Variants in SORL1-AS1 observed in about 807,000 individuals in gnomAD.
SORL1-AS1 encodes lncRNA 51 A.
At chr11:121,438,474 A>T in the SORL1-AS1 span, among the ~76,000 whole-genome samples, 1 of 152,080 alleles carries the variant, frequency 6.6e-6, no homozygotes, top group Admixed American at 6.6e-5. Context: ...ACAGGCAATG[A>T]CTATTCTGAT....
chr11:121,438,354 A>T, the SORL1-AS1 span, among the ~76,000 whole-genome samples: 2 of 152,282 alleles, frequency 1.3e-5, no homozygotes, highest in Admixed American at 1.3e-4. Context: ...ACAGACCTTA[A>T]GTGTATAATT....
chr11:121,448,002 A>G (rs1454250532), exon 2 of SORL1-AS1: 2 of 152,230 alleles, frequency 1.3e-5, no homozygotes, highest in South Asian at 2.1e-4. Context: ...GTTCAAATTT[A>G]TCCCTTACTA....
rs921785310 is a variant in SORL1-AS1 at position 121,452,785 on chromosome 11, A to T, written n.229T>A. ...GTACAACCGTCAGCACTTGAATCGC[A>T]TTGATCTTTCCTTCTTCCTGTCGAT... is the stretch of plus-strand genomic sequence containing the variant. On this transcript the variant is annotated non_coding_transcript_exon_variant, in exon 1 of 2. Transcript: ENST00000501964. This position sits in a 1 kb window ranked among gnomAD's most constrained non-coding sequence, Gnocchi z 5.3. 10 of 544,900 alleles carry T rather than the reference A, an allele frequency of 1.8e-5. No homozygotes were observed. The highest frequency in any genetic ancestry group is 6.0e-6 in the Non-Finnish European group (2 of 331,572). 33.8% of individuals were successfully genotyped at this position (544,900 alleles called of 1,614,324 possible). A position where few individuals can be genotyped will look rare whatever the true frequency, so the allele number is the denominator to read the frequency against.
the SORL1-AS1 span, among the ~76,000 whole-genome samples, chr11:121,441,257 C>T: frequency 6.6e-5 from 10 of 152,034 alleles, no homozygotes; most frequent in Non-Finnish European, 1.3e-4. Flanking sequence ...GGCGCTGTGG[C>T]TCACGCCTGT....
downstream of SORL1-AS1, among the ~76,000 whole-genome samples, chr11:121,445,756 A>G (rs1860714533): frequency 6.6e-6 from 1 of 151,376 alleles, no homozygotes; most frequent in South Asian, 2.1e-4. Context: ...CAAAGCCAGT[A>G]CTCATCTTTT....
chr11:121,445,107 G>A (rs527810852), downstream of SORL1-AS1, among the ~76,000 whole-genome samples: 1 of 152,290 alleles, frequency 6.6e-6, no homozygotes, highest in South Asian at 2.1e-4. Context: ...TATTTTATGT[G>A]GAGCCTCATT....
At chr11:121,448,239 T>C (rs948964212) in exon 2 of SORL1-AS1, 1 of 152,266 alleles carries the variant, frequency 6.6e-6, no homozygotes, top group African/African-American at 2.4e-5. Context: ...AACTCCTCTT[T>C]GGATTTAATT....
chr11:121,439,182 C>A, the SORL1-AS1 span, among the ~76,000 whole-genome samples: 5 of 152,232 alleles, frequency 3.3e-5, no homozygotes, highest in East Asian at 9.7e-4. Flanking sequence ...CCATTTTATA[C>A]TTTTGCTGGC....
chr11:121,446,675 C>G (rs1357563389), downstream of SORL1-AS1, among the ~76,000 whole-genome samples: 1 of 151,400 alleles, frequency 6.6e-6, no homozygotes, highest in Non-Finnish European at 1.5e-5. Flanking sequence ...CATTTGAACT[C>G]AGGGGGTGGA....
intron 1 of SORL1-AS1, among the ~76,000 whole-genome samples, chr11:121,451,878 C>T (rs993251857): frequency 6.6e-6 from 1 of 152,090 alleles, no homozygotes; most frequent in Non-Finnish European, 1.5e-5. Flanking sequence ...GCTGTGCACT[C>T]AGGAAAGTGG....
At position 121,450,519 on chromosome 11, in the gene SORL1-AS1, T is replaced by C. The variant is rs1860776246; in HGVS notation, n.340-620A>G. ...TGAGTTAGAGCTGAATTGCACAATA[T>C]GAGCAAGGCGTTCCTCTCAGCTTCA... On this transcript the variant is annotated intron_variant and non_coding_transcript_variant, in intron 1 of 1. Transcript: ENST00000501964. This position sits in a 1 kb window ranked among gnomAD's most constrained non-coding sequence, Gnocchi z 5.2. 6.6e-6 allele frequency among the ~76,000 whole-genome samples: 1 copy of C among 152,090 alleles called. No individual in the cohort carries two copies. Among genetic ancestry groups the C allele is most frequent in the Admixed American group, 6.5e-5 (1 of 15,268 alleles).
chr11:121,452,564 G>A lies in SORL1-AS1; in HGVS notation n.339+111C>T, dbSNP rs1335878223. Reference sequence around the variant, plus strand: ...AGCCGCGCGGACGAGAAGCCGCTCCGGAGGAAACGGAGCGCTGCCCTGCAG... The same window carrying A: ...AGCCGCGCGGACGAGAAGCCGCTCCAGAGGAAACGGAGCGCTGCCCTGCAG... On this transcript the variant is annotated intron_variant and non_coding_transcript_variant, in intron 1 of 1. Coordinates refer to ENST00000501964, the Ensembl canonical transcript of SORL1-AS1. The surrounding 1 kb of genome is among the most constrained non-coding windows in gnomAD (Gnocchi z 5.3). 4.6e-6 allele frequency: 7 copies of A among 1,515,858 alleles called. No homozygotes were observed. Among genetic ancestry groups the A allele is most frequent in the Non-Finnish European group, 5.3e-6 (6 of 1,139,448 alleles). The allele number at this position is 1,515,858 out of a possible 1,614,324, so 93.9% of individuals were successfully genotyped here. A position where few individuals can be genotyped will look rare whatever the true frequency, so the allele number is the denominator to read the frequency against.
Position 121,452,728 on chromosome 11 carries a change from TC to T in SORL1-AS1, n.285del. 2 of 955,644 alleles carry T rather than the reference TC, an allele frequency of 2.1e-6. No homozygotes were observed. The highest frequency in any genetic ancestry group is 4.4e-5 in the South Asian group (2 of 45,008). 59.2% of individuals were successfully genotyped at this position (955,644 alleles called of 1,614,324 possible). A position where few individuals can be genotyped will look rare whatever the true frequency, so the allele number is the denominator to read the frequency against. On this transcript the variant is annotated non_coding_transcript_exon_variant, in exon 1 of 2. Transcript: ENST00000501964. The surrounding 1 kb of genome is among the most constrained non-coding windows in gnomAD (Gnocchi z 5.3). Reference sequence around the variant, plus strand: ...CTAGGTGCAGGCACCACTGGGGACTTCCCGGCTTGCATTTGTTTTTTTCCTT... The same window carrying T: ...CTAGGTGCAGGCACCACTGGGGACTTCCGGCTTGCATTTGTTTTTTTCCTT...
chr11:121,447,498 A>G (rs569918209), exon 2 of SORL1-AS1: 1 of 151,810 alleles, frequency 6.6e-6, no homozygotes, highest in South Asian at 2.1e-4. Context: ...TTTTTTGTAG[A>G]GGTGGGGTTT....
At chr11:121,445,443 C>G (rs1860709779), downstream of SORL1-AS1, among the ~76,000 whole-genome samples, 1 of 152,186 alleles carries the variant, frequency 6.6e-6, no homozygotes, top group Non-Finnish European at 1.5e-5. Context: ...AAGGGACGAG[C>G]TGGGCGCTCC....
downstream of SORL1-AS1, among the ~76,000 whole-genome samples, chr11:121,442,921 G>A (rs1414671680): frequency 5.3e-5 from 8 of 149,860 alleles, no homozygotes; most frequent in African/African-American, 9.8e-5. Flanking sequence ...CTCGTGATCC[G>A]TCCATCTCGG....
At chr11:121,446,169 C>T (rs1178628969), downstream of SORL1-AS1, among the ~76,000 whole-genome samples, 1 of 152,210 alleles carries the variant, frequency 6.6e-6, no homozygotes, top group African/African-American at 2.4e-5. Flanking sequence ...AGGATCTACT[C>T]TGTCTCTGTT....
In SORL1-AS1 at chr11:121,452,459, C is replaced by T. The variant is rs772427160; in HGVS notation, n.339+216G>A. The T allele has an allele frequency of 1.3e-6, 2 of 1,508,706 alleles. No homozygotes were observed. Among genetic ancestry groups the T allele is most frequent in the African/African-American group, 2.9e-5 (2 of 68,980 alleles). 93.5% of individuals were successfully genotyped at this position (1,508,706 alleles called of 1,614,324 possible). A position where few individuals can be genotyped will look rare whatever the true frequency, so the allele number is the denominator to read the frequency against. On this transcript the variant is annotated intron_variant and non_coding_transcript_variant, in intron 1 of 1. Transcript: ENST00000501964. This position sits in a 1 kb window ranked among gnomAD's most constrained non-coding sequence, Gnocchi z 5.3. Reference sequence around the variant, plus strand: ...CTGCACGGCGGCAGCGCGCCCTTGCCCCAGGACCGGGGCTTCCTCGTGGTG... The same window carrying T: ...CTGCACGGCGGCAGCGCGCCCTTGCTCCAGGACCGGGGCTTCCTCGTGGTG...
At chr11:121,440,491 T>A in the SORL1-AS1 span, among the ~76,000 whole-genome samples, 1 of 152,358 alleles carries the variant, frequency 6.6e-6, no homozygotes, top group African/African-American at 2.4e-5. Context: ...ACAAGTTCTC[T>A]CTGACTTTCT....
Sources: gnomAD v4.1 joint callset for allele counts (sites outside exome capture counted in the v4.1 genomes callset) on GRCh38, gnomAD v4.1.1 for gene constraint, Gnocchi (gnomAD v3.1) non-coding constraint, MANE v1.5 for transcripts, NCBI Gene and HGNC (gene_info 2026-07-23, HGNC 2026-07-21) for gene names.